CUX1: variants seen among roughly 807,000 people sequenced by gnomAD.
CUX1 encodes cut like homeobox 1, also known as protein CASP.
In CUX1, 31 loss-of-function variants were observed where a neutral mutation model predicts 158.8. That is an observed-to-expected ratio of 0.20 (90% CI 0.15 to 0.26). CUX1 has a LOEUF of 0.26. CUX1 is among the 10% of genes least tolerant of loss of function. The pLI, the probability that CUX1 is intolerant of heterozygous loss-of-function variation, is 1.00. For missense variants in CUX1, 1,589 were observed against 2,014.6 expected (o/e 0.79, Z 4.04); for synonymous variants, 879 against 862.1 (o/e 1.02, Z -0.34).
chr7:101,906,317 C>A (rs1584941502), intron 1 of CUX1, among the ~76,000 whole-genome samples: 1 of 151,984 alleles, frequency 6.6e-6, no homozygotes, highest in East Asian at 1.9e-4. Context: ...CACAGGTTCC[C>A]ATCTCTTATG....
At chr7:102,024,562 G>A (rs1228731421) in intron 2 of CUX1, among the ~76,000 whole-genome samples, 1 of 152,074 alleles carries the variant, frequency 6.6e-6, no homozygotes, top group East Asian at 1.9e-4. Flanking sequence ...CCTGACCTCA[G>A]GTGATCCACT....
chr7:102,189,491 G>C (rs1460316149), intron 11 of CUX1, among the ~76,000 whole-genome samples: 2 of 151,372 alleles, frequency 1.3e-5, no homozygotes, highest in Non-Finnish European at 2.9e-5. Flanking sequence ...CAACTCCCGG[G>C]CTCAGGCAGT....
At chr7:101,817,122 C>T (rs1264523013), upstream of CUX1, 6 of 984,470 alleles carry the variant, frequency 6.1e-6, no homozygotes, top group African/African-American at 3.5e-5. The surrounding 1 kb of genome is among the most constrained non-coding windows in gnomAD (Gnocchi z 4.1). Flanking sequence ...TGTCCCGGAC[C>T]GCCGGGTGCG....
intron 1 of CUX1, among the ~76,000 whole-genome samples, chr7:101,863,136 T>C (rs1441069132): frequency 6.6e-6 from 1 of 152,104 alleles, no homozygotes; most frequent in Non-Finnish European, 1.5e-5. Flanking sequence ...AGAAGGACTT[T>C]GCAAAAAGTA....
intron 2 of CUX1, among the ~76,000 whole-genome samples, chr7:101,924,205 G>A (rs775977948): frequency 1.4e-4 from 21 of 152,008 alleles, no homozygotes; most frequent in Non-Finnish European, 2.8e-4. Context: ...TTTATGATTC[G>A]TTTTTCACTC....
intron 9 of CUX1, among the ~76,000 whole-genome samples, chr7:102,163,135 A>G (rs1174555297): frequency 2.0e-5 from 3 of 152,126 alleles, no homozygotes; most frequent in African/African-American, 4.8e-5. Flanking sequence ...AAAGAAGTGG[A>G]AGGTTAAAGG....
At chr7:101,855,606 G>A (rs537439802) in intron 1 of CUX1, among the ~76,000 whole-genome samples, 8 of 152,274 alleles carry the variant, frequency 5.3e-5, no homozygotes, top group Middle Eastern at 3.4e-3. Flanking sequence ...AAGGCCGGGC[G>A]CGGTGGCTCA....
chr7:102,097,251 T>C, intron 4 of CUX1, 113 bp from the exon 5 acceptor site: 3 of 1,304,332 alleles, frequency 2.3e-6, no homozygotes, highest in East Asian at 4.8e-5. Flanking sequence ...CTGTGGCCTC[T>C]GGGGAGCCCC....
chr7:102,025,067 A>G (rs568788346), intron 2 of CUX1, among the ~76,000 whole-genome samples: 120 of 152,186 alleles, frequency 7.9e-4, no homozygotes, highest in African/African-American at 2.7e-3. Flanking sequence ...CGGCATTCCT[A>G]TAGCATTCCG....
At chr7:102,275,290 G>A in exon 17 of CUX1, 1 of 1,612,108 alleles carries the variant, frequency 6.2e-7, no homozygotes, top group African/African-American at 1.3e-5. Context: ...AGGGCCAGGT[G>A]GATTCACTGC....
chr7:101,851,327 A>G (rs898908172), intron 1 of CUX1, among the ~76,000 whole-genome samples: 4 of 151,970 alleles, frequency 2.6e-5, no homozygotes, highest in Non-Finnish European at 4.4e-5. Flanking sequence ...TTTCTTGGTG[A>G]CAGCCCTTCT....
chr7:101,833,050 T>C (rs1794235039), intron 1 of CUX1, among the ~76,000 whole-genome samples: 1 of 152,062 alleles, frequency 6.6e-6, no homozygotes, highest in Admixed American at 6.5e-5. Flanking sequence ...GATTCATGTA[T>C]TTTCCTGAGA....
intron 20 of CUX1, among the ~76,000 whole-genome samples, chr7:102,212,664 C>G (rs548231236): frequency 7.5e-4 from 113 of 150,156 alleles, no homozygotes; most frequent in African/African-American, 2.7e-3. Context: ...CCCCCACCCC[C>G]ACACCCCACC....
At chr7:101,839,918 C>A (rs1325258796) in intron 1 of CUX1, among the ~76,000 whole-genome samples, 1 of 152,142 alleles carries the variant, frequency 6.6e-6, no homozygotes, top group Non-Finnish European at 1.5e-5. Context: ...TGCGCCACCA[C>A]ACCTGGCTAA....
intron 2 of CUX1, among the ~76,000 whole-genome samples, chr7:101,997,367 G>A (rs976107955): frequency 1.3e-5 from 2 of 152,072 alleles, no homozygotes; most frequent in Non-Finnish European, 2.9e-5. Flanking sequence ...TCTCTGAGAC[G>A]GAGCCTCACT....
intron 10 of CUX1, among the ~76,000 whole-genome samples, chr7:102,173,175 T>C (rs960691311): frequency 9.9e-5 from 15 of 151,868 alleles, no homozygotes; most frequent in Non-Finnish European, 1.5e-4. Context: ...GCCTGGCCAA[T>C]ATGGCGAGAA....
chr7:102,096,606 T>C (rs1258969961), intron 4 of CUX1, among the ~76,000 whole-genome samples: 1 of 152,122 alleles, frequency 6.6e-6, no homozygotes, highest in East Asian at 1.9e-4. Context: ...CTTGGGAGGC[T>C]GAGGTGGGAG....
At position 102,017,290 on chromosome 7, in the gene CUX1, C is replaced by CAAAAA. The variant is rs10629776; in HGVS notation, c.142-10796_142-10792dup. On this transcript the variant is annotated intron_variant, in intron 2 of 23. Coordinates refer to ENST00000292535, the MANE Select transcript of CUX1 (RefSeq NM_181552.4). ...TGGGGGACACAGAGAGACTCCATCTCAAAAAAAAAAAAAAAAGTGAGCTTG... is the reference window on the plus strand; with the variant it reads ...TGGGGGACACAGAGAGACTCCATCTCAAAAAAAAAAAAAAAAAAAAAGTGAGCTTG... Among the ~76,000 whole-genome samples, 9 of 131,632 alleles carry CAAAAA rather than the reference C, an allele frequency of 6.8e-5. 3 individuals carry two copies. The highest frequency in any genetic ancestry group is 9.6e-5 in the Non-Finnish European group (6 of 62,482). The allele number at this position is 131,632 out of a possible 152,430, so 86.4% of individuals were successfully genotyped here.
intron 2 of CUX1, among the ~76,000 whole-genome samples, chr7:101,920,099 A>ATATTT (rs912756794): frequency 4.0e-5 from 6 of 149,786 alleles, no homozygotes; most frequent in South Asian, 2.1e-4. Flanking sequence ...CCTGGCTAGT[A>ATATTT]TATTTTATTT....
Sources: gnomAD v4.1 joint callset for allele counts (sites outside exome capture counted in the v4.1 genomes callset) on GRCh38, gnomAD v4.1.1 for gene constraint, Gnocchi (gnomAD v3.1) non-coding constraint, MANE v1.5 for transcripts, NCBI Gene and HGNC (gene_info 2026-07-23, HGNC 2026-07-21) for gene names.